The following DONSON variants were observed in gnomAD, a reference collection of about 807,000 sequenced individuals.
DONSON encodes DNA replication fork stabilization factor DONSON.
In DONSON, 43 loss-of-function variants were observed where a neutral mutation model predicts 62.1. The observed-to-expected ratio is 0.69, with a 90% CI of 0.54 to 0.89. DONSON has a LOEUF of 0.89. DONSON is among the 40% of genes least tolerant of loss of function. The pLI is 0.00. For synonymous variants in DONSON, 266 were observed against 264.6 expected, an observed-to-expected ratio of 1.01 and a Z score of -0.05; for missense variants, 696 against 697.5, an observed-to-expected ratio of 1.00 and a Z score of 0.03.
At chr21:33,585,637 TC>T (rs1316304526) in intron 3 of DONSON, among the ~76,000 whole-genome samples, 10 of 152,222 alleles carry the variant, frequency 6.6e-5, no homozygotes, top group African/African-American at 2.4e-4. Context: ...TGTAAATCCA[TC>T]AGCCCTTGCA....
Position 33,582,232 on chromosome 21 carries a change from G to C in DONSON, c.979C>G (p.Leu327Val), listed in dbSNP as rs1322225569. The change falls in exon 6 of 10, where the codon CTG becomes GTG. Residue 327 changes from leucine (L) to valine (V), a missense_variant. Coordinates refer to ENST00000303071, the MANE Select transcript of DONSON (RefSeq NM_017613.4). Reference protein sequence around the residue: ...AMRNEGIEFSLPLIKESGHKK... With the variant: ...AMRNEGIEFSVPLIKESGHKK... ...TGGCCACTTTCTTTTATTAAAGGCAGAGAAAATTCAATACCTATATGAGGA... is the reference window on the plus strand; with the variant it reads ...TGGCCACTTTCTTTTATTAAAGGCACAGAAAATTCAATACCTATATGAGGA... 1.9e-6 allele frequency: 3 copies of C among 1,613,688 alleles called. No individual in the cohort carries two copies. The highest frequency in any genetic ancestry group is 1.7e-5 in the Admixed American group (1 of 59,990).
rs755850358 is a variant in DONSON at position 33,587,610 on chromosome 21, TA to T, written c.322-9del. 6.4e-7 allele frequency: 1 copy of T among 1,561,364 alleles called. No homozygotes were observed. ...TTGATTAGAATCTAAAAACTGAGGT[TA>T]AATATATTCTCCTTTAAAATTTAAA... On this transcript the variant is annotated splice_polypyrimidine_tract_variant and intron_variant, in intron 1 of 9. Transcript: ENST00000303071.
intron 3 of DONSON, among the ~76,000 whole-genome samples, chr21:33,585,050 G>T (rs945222036): frequency 2.6e-5 from 4 of 152,068 alleles, no homozygotes; most frequent in African/African-American, 9.7e-5. Context: ...GAATAGGGGT[G>T]GGCATGTGTG....
At chr21:33,583,123 C>CCCAGGA (rs2086532856) in intron 5 of DONSON, among the ~76,000 whole-genome samples, 2 of 147,674 alleles carry the variant, frequency 1.4e-5, no homozygotes, top group African/African-American at 5.1e-5. Flanking sequence ...ATGGCCTGAA[C>CCCAGGA]CCAGGAGGCG....
At chr21:33,584,525 G>A in intron 4 of DONSON, 65 bp downstream of exon 4, 2 of 1,423,304 alleles carry the variant, frequency 1.4e-6, no homozygotes, top group Non-Finnish European at 1.9e-6. Context: ...TCACAAATAT[G>A]ATAGAGAATG....
At chr21:33,579,035 G>A (rs980195499) in intron 9 of DONSON, among the ~76,000 whole-genome samples, 5 of 151,876 alleles carry the variant, frequency 3.3e-5, no homozygotes, top group South Asian at 4.1e-4. Flanking sequence ...CTACTTGGGA[G>A]GCTGAGGCAG....
At position 33,581,479 on chromosome 21, in the gene DONSON, T is replaced by A. The variant is rs2086510546; in HGVS notation, c.1173A>T (p.Val391=). 1 of 1,613,528 alleles carries A rather than the reference T, an allele frequency of 6.2e-7. No homozygotes were observed. Among genetic ancestry groups the A allele is most frequent in the Non-Finnish European group, 8.5e-7 (1 of 1,179,694 alleles). ...SIKLRKEKHE[V]QMDHRPESVV... ...CAGATTCAGGTCTGTGATCCATTTG[T>A]ACTTCATGTTTCTCTTTACGCCTGA... The change falls in exon 8 of 10, where the codon GTA becomes GTT. Residue 391 remains valine, a synonymous_variant. Transcript: ENST00000303071.
intron 4 of DONSON, 116 bp downstream of exon 4, chr21:33,584,474 T>G: frequency 9.7e-7 from 1 of 1,030,162 alleles, no homozygotes. Context: ...CAGATAAAAT[T>G]CACAAGGATC....
At position 33,581,784 on chromosome 21, in the gene DONSON, C is replaced by T. The variant is rs559273207; in HGVS notation, c.1151+167G>A. Among the ~76,000 whole-genome samples, 40 of 152,330 alleles carry T rather than the reference C, an allele frequency of 2.6e-4. 1 individual carries two copies. The highest frequency in any genetic ancestry group is 1.3e-3 in the Admixed American group (20 of 15,308). On this transcript the variant is annotated intron_variant, in intron 7 of 9. Coordinates refer to ENST00000303071, the MANE Select transcript of DONSON (RefSeq NM_017613.4). ...TGATTAAAAAAGGTTTAATAGTTCA[C>T]CATTTGTTGATACTTAGGGGCTTAT...
chr21:33,588,339 C>A lies in DONSON; in HGVS notation c.303G>T (p.Gln101His). ...CACTCACCGGGACCGGGGCCTCCGGCTGCTCGCGGGCCGGCCCGTCGGGGG... is the reference window on the plus strand; with the variant it reads ...CACTCACCGGGACCGGGGCCTCCGGATGCTCGCGGGCCGGCCCGTCGGGGG... ...AEPPDGPARE[Q>H]PEAPVPFLDS... Residue 101 changes from glutamine to histidine, a missense_variant, in exon 1 of 10, where the codon CAG becomes CAT. Gln to His is a conservative substitution (Grantham distance 24). Transcript: ENST00000303071. 1.5e-6 allele frequency: 2 copies of A among 1,295,454 alleles called. No individual in the cohort carries two copies. The highest frequency in any genetic ancestry group is 6.0e-5 in the East Asian group (2 of 33,610). 80.2% of individuals were successfully genotyped at this position (1,295,454 alleles called of 1,614,324 possible). A position where few individuals can be genotyped will look rare whatever the true frequency, so the allele number is the denominator to read the frequency against.
chr21:33,580,463 CAAAAAAAAAAAAAAAAAAAAAAAAAAAA>C (rs57425899), intron 8 of DONSON, among the ~76,000 whole-genome samples: 3 of 17,462 alleles, frequency 1.7e-4, no homozygotes, highest in East Asian at 3.5e-3. Flanking sequence ...GATTCCACCT[CAAAAAAAAAAAAAAAAAAAAAAAAAAAA>C]AAAAAAAAAA....
Position 33,586,535 on chromosome 21 carries a change from T to C in DONSON, c.403-354A>G, listed in dbSNP as rs189312896. Among the ~76,000 whole-genome samples the C allele has an allele frequency of 4.6e-5, 7 of 152,338 alleles. No individual in the cohort carries two copies. The East Asian group carries it at 1.3e-3, about 29-fold the overall frequency. On this transcript the variant is annotated intron_variant, in intron 2 of 9. Transcript: ENST00000303071. ...TCTTTTAAGCTTCTGAAACTCTGCATCCAGGGCTAACAAAGCCCATATTTA... is the reference window on the plus strand; with the variant it reads ...TCTTTTAAGCTTCTGAAACTCTGCACCCAGGGCTAACAAAGCCCATATTTA...
At chr21:33,585,832 T>C (rs1475500356) in intron 3 of DONSON, 146 bp downstream of exon 3, 1 of 731,338 alleles carries the variant, frequency 1.4e-6, no homozygotes, top group African/African-American at 1.8e-5. Context: ...ATAAGCACCA[T>C]CTGGGAAAGA....
intron 1 of DONSON, among the ~76,000 whole-genome samples, 189 bp from the exon 2 acceptor site, chr21:33,587,791 G>A (rs889310745): frequency 9.2e-5 from 14 of 152,138 alleles, no homozygotes; most frequent in African/African-American, 3.1e-4. Context: ...AAAATTGAGG[G>A]GAACAGGGAC....
chr21:33,578,253 T>C lies in DONSON; in HGVS notation c.*54A>G. ...CCTTCAACTTCAAGAATCTTGAATT[T>C]CCTTGCTAGAAGGCTTTTTTCCTCA... On this transcript the variant is annotated 3_prime_UTR_variant, in exon 10 of 10. Transcript: ENST00000303071. 3 of 1,566,220 alleles carry C rather than the reference T, an allele frequency of 1.9e-6. No homozygotes were observed. The highest frequency in any genetic ancestry group is 2.6e-6 in the Non-Finnish European group (3 of 1,153,018).
intron 3 of DONSON, 21 bp from the exon 4 acceptor site, chr21:33,584,789 TG>T: frequency 6.8e-7 from 1 of 1,472,094 alleles, no homozygotes; most frequent in Non-Finnish European, 9.1e-7. Context: ...AAGGTGACAG[TG>T]GGCAGTTTTT....
intron 7 of DONSON, 133 bp from the exon 8 acceptor site, chr21:33,581,633 C>T (rs902666698): frequency 5.0e-5 from 39 of 772,708 alleles, no homozygotes; most frequent in Middle Eastern, 3.7e-4. Context: ...CTCTCTTTAC[C>T]GAATCATAAG....
intron 2 of DONSON, among the ~76,000 whole-genome samples, chr21:33,586,421 G>C (rs2086578468): frequency 1.3e-5 from 2 of 152,156 alleles, no homozygotes; most frequent in Admixed American, 1.3e-4. Context: ...TGGAGGGGCA[G>C]ATTTCACTTT....
chr21:33,581,549 G>A, intron 7 of DONSON, 49 bp from the exon 8 acceptor site: 3 of 1,508,198 alleles, frequency 2.0e-6, no homozygotes, highest in Non-Finnish European at 2.7e-6. Flanking sequence ...CACCTAATGT[G>A]GAAAGCAGTT....
Sources: allele counts gnomAD v4.1 joint callset (sites outside exome capture counted in the v4.1 genomes callset), GRCh38; gene constraint gnomAD v4.1.1; transcripts MANE v1.5; gene names NCBI Gene and HGNC (gene_info 2026-07-23, HGNC 2026-07-21).